Variants in UBTD1 observed in about 807,000 individuals in gnomAD.
The protein encoded by UBTD1 is ubiquitin domain-containing protein 1.
UBTD1 carries 19 observed loss-of-function variants against 21.7 expected under a neutral mutation model. That is an observed-to-expected ratio of 0.87 (90% CI 0.61 to 1.28). The LOEUF (loss-of-function observed/expected upper bound fraction) is 1.28, where lower values mean the gene tolerates loss of function less well. UBTD1 is among the 50% of genes most tolerant of loss of function. The pLI, the probability that UBTD1 is intolerant of heterozygous loss-of-function variation, is 0.00. For missense variants in UBTD1, 282 were observed against 315.1 expected (o/e 0.89, Z 0.80); for synonymous variants, 116 against 135.1 (o/e 0.86, Z 0.98).
At chr10:97,530,034 CT>C (rs1194793147) in intron 1 of UBTD1, among the ~76,000 whole-genome samples, 1 of 152,208 alleles carries the variant, frequency 6.6e-6, no homozygotes, top group East Asian at 1.9e-4. Flanking sequence ...ACGTGTCCCC[CT>C]GATTCCTGTG....
In UBTD1 at chr10:97,570,290, C is replaced by A. The variant is rs373983596; in HGVS notation, c.451C>A (p.Leu151Met). The change falls in exon 3 of 3, where the codon CTG becomes ATG. Residue 151 changes from leucine (L) to methionine (M), a missense_variant. Physicochemically the swap from Leu to Met is conservative, Grantham distance 15. Transcript: ENST00000370664. The surrounding 1 kb of genome is among the most constrained non-coding windows in gnomAD (Gnocchi z 6.6). ...PPPSVRREFPLKVRLSTGKDV... is the reference protein window; with the variant it reads ...PPPSVRREFPMKVRLSTGKDV... Reference sequence around the variant, plus strand: ...ACCCAGCGTGCGCCGTGAGTTCCCGCTGAAGGTGCGCCTGTCCACGGGCAA... The same window carrying A: ...ACCCAGCGTGCGCCGTGAGTTCCCGATGAAGGTGCGCCTGTCCACGGGCAA... 1 of 1,613,288 alleles carries A rather than the reference C, an allele frequency of 6.2e-7. No homozygotes were observed. The highest frequency in any genetic ancestry group is 8.5e-7 in the Non-Finnish European group (1 of 1,180,008).
intron 1 of UBTD1, among the ~76,000 whole-genome samples, chr10:97,566,180 A>G (rs1003539043): frequency 1.3e-5 from 2 of 151,970 alleles, no homozygotes; most frequent in Non-Finnish European, 2.9e-5. Context: ...AGTATTTCAT[A>G]ATCTATCCAA....
intron 1 of UBTD1, among the ~76,000 whole-genome samples, chr10:97,567,569 G>T (rs2040723583): frequency 6.6e-6 from 1 of 151,996 alleles, no homozygotes; most frequent in East Asian, 1.9e-4. Flanking sequence ...TGAGGCAGGA[G>T]AGTCGCTTGA....
At chr10:97,510,077 C>T (rs189253215) in intron 1 of UBTD1, among the ~76,000 whole-genome samples, 1 of 152,280 alleles carries the variant, frequency 6.6e-6, no homozygotes, top group East Asian at 1.9e-4. Flanking sequence ...ACTCTTGTGC[C>T]TCAGCCTCCT....
intron 1 of UBTD1, among the ~76,000 whole-genome samples, chr10:97,533,922 C>CAA (rs1162758439): frequency 5.5e-4 from 60 of 109,976 alleles, no homozygotes; most frequent in African/African-American, 1.7e-3. Flanking sequence ...GACTCCATCT[C>CAA]AAAAAAAAAA....
chr10:97,541,681 A>G (rs1403593109), intron 1 of UBTD1, among the ~76,000 whole-genome samples: 4 of 150,450 alleles, frequency 2.7e-5, no homozygotes, highest in Admixed American at 1.3e-4. Context: ...GTTCCAGGTC[A>G]CACCTGTGAG....
At chr10:97,535,837 G>T (rs1349732214) in intron 1 of UBTD1, among the ~76,000 whole-genome samples, 3 of 151,896 alleles carry the variant, frequency 2.0e-5, no homozygotes, top group Admixed American at 2.0e-4. Flanking sequence ...AGGATCGCTT[G>T]ATGCCAAGTG....
At chr10:97,568,831 C>CT (rs1051600222) in intron 2 of UBTD1, among the ~76,000 whole-genome samples, 5 of 151,364 alleles carry the variant, frequency 3.3e-5, no homozygotes, top group East Asian at 1.9e-4. Flanking sequence ...ACTTGAGTTT[C>CT]TTTTTTTTTG....
intron 1 of UBTD1, among the ~76,000 whole-genome samples, chr10:97,567,618 C>A (rs2040723939): frequency 1.3e-5 from 2 of 151,912 alleles, no homozygotes; most frequent in Non-Finnish European, 2.9e-5. Flanking sequence ...GAGGTCATGC[C>A]ATTGCACTCC....
intron 1 of UBTD1, among the ~76,000 whole-genome samples, chr10:97,527,214 G>A (rs987921028): frequency 8.2e-5 from 12 of 147,052 alleles, no homozygotes; most frequent in Non-Finnish European, 1.5e-4. Flanking sequence ...GGCAGGCTGC[G>A]GTGGCTTATG....
intron 1 of UBTD1, among the ~76,000 whole-genome samples, chr10:97,548,755 C>A (rs2040622934): frequency 6.6e-6 from 1 of 152,198 alleles, no homozygotes; most frequent in African/African-American, 2.4e-5. Context: ...CTGGTCTGGG[C>A]AACAGAGCAA....
chr10:97,569,661 G>A (rs11189281), intron 2 of UBTD1, among the ~76,000 whole-genome samples: 57,920 of 152,120 alleles, frequency 0.38, 12,172 homozygotes, highest in Middle Eastern at 0.48. Context: ...TGGGAAATCC[G>A]GCATCATGGT....
intron 1 of UBTD1, among the ~76,000 whole-genome samples, chr10:97,533,562 C>T (rs552126486): frequency 6.6e-6 from 1 of 152,276 alleles, no homozygotes; most frequent in South Asian, 2.1e-4. Context: ...TGTCTGCCCT[C>T]CCTCTTCGCA....
At chr10:97,557,883 T>C (rs2040672320) in intron 1 of UBTD1, among the ~76,000 whole-genome samples, 1 of 152,202 alleles carries the variant, frequency 6.6e-6, no homozygotes, top group African/African-American at 2.4e-5. Flanking sequence ...CATAAAATAA[T>C]AGGACTGTGG....
intron 1 of UBTD1, among the ~76,000 whole-genome samples, chr10:97,520,025 C>T (rs1294084079): frequency 1.3e-5 from 2 of 152,226 alleles, no homozygotes; most frequent in Non-Finnish European, 2.9e-5. Context: ...GTTAAGAGCA[C>T]AGGTTCGGCT....
At chr10:97,552,937 G>A (rs1461310558) in intron 1 of UBTD1, among the ~76,000 whole-genome samples, 1 of 152,178 alleles carries the variant, frequency 6.6e-6, no homozygotes, top group Non-Finnish European at 1.5e-5. Flanking sequence ...AAACAGCTTT[G>A]TAGATAAGTC....
chr10:97,541,205 G>A (rs1002429146), intron 1 of UBTD1, among the ~76,000 whole-genome samples: 2 of 152,132 alleles, frequency 1.3e-5, no homozygotes, highest in Non-Finnish European at 2.9e-5. Flanking sequence ...TACCAGGCAC[G>A]GTGGCTCATG....
At chr10:97,545,931 T>C (rs1263775105) in intron 1 of UBTD1, among the ~76,000 whole-genome samples, 1 of 152,180 alleles carries the variant, frequency 6.6e-6, no homozygotes, top group Non-Finnish European at 1.5e-5. Context: ...ACTACAGGCA[T>C]GTGCCACCAT....
At chr10:97,523,942 G>A (rs140136849) in intron 1 of UBTD1, among the ~76,000 whole-genome samples, 37 of 152,254 alleles carry the variant, frequency 2.4e-4, no homozygotes, top group East Asian at 1.4e-3. Flanking sequence ...TTCTGCCTCC[G>A]TGACAGCCAG....
Sources: gnomAD v4.1 joint callset for allele counts (sites outside exome capture counted in the v4.1 genomes callset) on GRCh38, gnomAD v4.1.1 for gene constraint, Gnocchi (gnomAD v3.1) non-coding constraint, MANE v1.5 for transcripts, NCBI Gene and HGNC (gene_info 2026-07-23, HGNC 2026-07-21) for gene names.